The following ADGRV1 variants were observed in gnomAD, a reference collection of about 807,000 sequenced individuals.
ADGRV1 encodes the protein G-protein coupled receptor 98.
A neutral mutation model predicts 596.2 loss-of-function variants in ADGRV1; 359 were observed. The observed-to-expected ratio is 0.60, with a 90% confidence interval of 0.55 to 0.66. ADGRV1 has a LOEUF of 0.66. ADGRV1 is among the 30% of genes least tolerant of loss of function. The pLI, the probability that ADGRV1 is intolerant of heterozygous loss-of-function variation, is 0.00. For synonymous variants in ADGRV1, 2,681 were observed against 2,679.2 expected, an observed-to-expected ratio of 1.00 and a Z score of -0.02; for missense variants, 7,274 against 7,575.6, an observed-to-expected ratio of 0.96 and a Z score of 1.48.
intron 83 of ADGRV1, among the ~76,000 whole-genome samples, chr5:90,919,032 A>G (rs1471692128): frequency 6.6e-6 from 1 of 152,226 alleles, no homozygotes; most frequent in Non-Finnish European, 1.5e-5. Flanking sequence ...TTTGCCTGCT[A>G]AAGATCATCC....
chr5:90,706,756 T>C (rs1464572660), intron 38 of ADGRV1, among the ~76,000 whole-genome samples: 3 of 151,916 alleles, frequency 2.0e-5, no homozygotes, highest in Non-Finnish European at 4.4e-5. Context: ...TTACTCTGAC[T>C]TTAATATCAG....
intron 85 of ADGRV1, among the ~76,000 whole-genome samples, chr5:91,060,490 G>T (rs369501996): frequency 1.3e-5 from 2 of 151,406 alleles, no homozygotes; most frequent in African/African-American, 4.9e-5. Flanking sequence ...TCAGCCTCCC[G>T]AAGTGCTGAG....
intron 11 of ADGRV1, 58 bp downstream of exon 11, chr5:90,638,006 C>T: frequency 1.6e-6 from 2 of 1,228,758 alleles, no homozygotes; most frequent in African/African-American, 1.6e-5. Context: ...TCTTCAATAA[C>T]TTTGATTTTT....
At chr5:90,593,341 T>C (rs527321377) in intron 1 of ADGRV1, among the ~76,000 whole-genome samples, 172 of 152,102 alleles carry the variant, frequency 1.1e-3, no homozygotes, top group African/African-American at 3.7e-3. Flanking sequence ...CTGAACAAAC[T>C]ATCACAAGGA....
chr5:90,648,890 CGTT>C (rs1431922428), intron 17 of ADGRV1, among the ~76,000 whole-genome samples: 2 of 152,052 alleles, frequency 1.3e-5, no homozygotes, highest in African/African-American at 4.8e-5. Context: ...TGAATCCATT[CGTT>C]GTTCTAAAAT....
intron 24 of ADGRV1, 92 bp downstream of exon 24, chr5:90,675,537 A>C: frequency 8.2e-7 from 1 of 1,226,658 alleles, no homozygotes; most frequent in South Asian, 1.4e-5. Context: ...CCTGGAACAT[A>C]GTGACTCACG....
chr5:91,031,002 T>C (rs1426057410), intron 85 of ADGRV1: 4 of 1,461,834 alleles, frequency 2.7e-6, no homozygotes, highest in African/African-American at 1.4e-5. Flanking sequence ...CAATCAGTTG[T>C]AGTCTGCTGA....
At chr5:91,144,635 T>C (rs1195435568) in intron 87 of ADGRV1, among the ~76,000 whole-genome samples, 1 of 152,224 alleles carries the variant, frequency 6.6e-6, no homozygotes, top group African/African-American at 2.4e-5. Context: ...GCATTTTTTA[T>C]GATTATAGTA....
At position 90,643,028 on chromosome 5, in the gene ADGRV1, A is replaced by G; in HGVS notation, c.2540A>G (p.Asp847Gly). The G allele has an allele frequency of 6.2e-7, 1 of 1,612,746 alleles. No homozygotes were observed. The highest frequency in any genetic ancestry group is 8.5e-7 in the Non-Finnish European group (1 of 1,178,864). ...GTGATCACCTTGCTAGCAAGATTGG[A>G]TGGGATACCAGAGGTATGGGATTTT... ...EIVITLLARL[D>G]GIPELDEHYW... The change falls in exon 13 of 90, where the codon GAT becomes GGT. Residue 847 changes from aspartate to glycine, a missense_variant. This residue lies in a region of ADGRV1 where 1,715 missense variants were observed against 1,708.8 expected (regional missense o/e 1.00). Transcript: ENST00000405460.
chr5:90,955,840 CAT>C (rs1463679448), intron 83 of ADGRV1, among the ~76,000 whole-genome samples: 1 of 152,158 alleles, frequency 6.6e-6, no homozygotes, highest in African/African-American at 2.4e-5. Context: ...GACAAGCAAT[CAT>C]ATCCTCGATG....
intron 83 of ADGRV1, among the ~76,000 whole-genome samples, chr5:90,919,846 T>C (rs1773713749): frequency 6.6e-6 from 1 of 151,734 alleles, no homozygotes; most frequent in Admixed American, 6.6e-5. Flanking sequence ...AATGCAAAAT[T>C]AGCTGGGCAT....
chr5:90,939,269 A>G (rs1400279937), intron 83 of ADGRV1, among the ~76,000 whole-genome samples: 1 of 152,200 alleles, frequency 6.6e-6, no homozygotes, highest in African/African-American at 2.4e-5. Context: ...TTCTCTCATT[A>G]ATTAGGTAGC....
At chr5:91,112,322 A>C (rs2973448) in intron 87 of ADGRV1, among the ~76,000 whole-genome samples, 19,092 of 152,100 alleles carry the variant, frequency 0.13, 1,340 homozygotes, top group African/African-American at 0.2. Context: ...GCTATCTTTT[A>C]ATCTTTTAGG....
At position 90,683,665 on chromosome 5, in the gene ADGRV1, T is replaced by C. The variant is rs1229749558; in HGVS notation, c.5744T>C (p.Phe1915Ser). 1 of 1,613,682 alleles carries C rather than the reference T, an allele frequency of 6.2e-7. No individual in the cohort carries two copies. Among genetic ancestry groups the C allele is most frequent in the Admixed American group, 1.7e-5 (1 of 59,994 alleles). The stretch of plus-strand genomic sequence containing the variant: ...TCTGATCCTGATGGTGATCTCGCCT[T>C]CACCTCTGGCAACATCACATTTGAG... ...IDSDPDGDLA[F>S]TSGNITFEIG... Residue 1915 changes from phenylalanine to serine, a missense_variant, in exon 28 of 90, where the codon TTC (phenylalanine) becomes TCC (serine). By Grantham distance (155) the Phe-to-Ser change is radical (BLOSUM62 -2). This residue lies in a region of ADGRV1 where 3,643 missense variants were observed against 3,809.2 expected (regional missense o/e 0.96). Transcript: ENST00000405460.
chr5:90,750,559 A>T lies in ADGRV1; in HGVS notation c.10983A>T (p.Leu3661Phe). ...TCTGTGTATTTTTTCAGAATTCATT[A>T]TATAAGCAAGTGGAAGAAATGGAGC... ...YGIVAFAQNSLYKQVEEMEQD... is the reference protein window; with the variant it reads ...YGIVAFAQNSFYKQVEEMEQD... Residue 3661 changes from leucine (L) to phenylalanine (F), a missense_variant, in exon 53 of 90, where the codon TTA becomes TTT. Leu to Phe is a conservative substitution (Grantham distance 22). Coordinates refer to ENST00000405460, the MANE Select transcript of ADGRV1 (RefSeq NM_032119.4). 6.2e-7 allele frequency: 1 copy of T among 1,607,352 alleles called. No individual in the cohort carries two copies. Among genetic ancestry groups the T allele is most frequent in the South Asian group, 1.1e-5 (1 of 89,616 alleles).
chr5:90,685,464 A>G (rs531229703), intron 28 of ADGRV1, among the ~76,000 whole-genome samples: 1 of 152,166 alleles, frequency 6.6e-6, no homozygotes, highest in African/African-American at 2.4e-5. Context: ...ACGTGCCTGT[A>G]GTCCCAGCTA....
chr5:91,002,985 C>G (rs960642781), intron 85 of ADGRV1, among the ~76,000 whole-genome samples: 4 of 152,086 alleles, frequency 2.6e-5, no homozygotes, highest in African/African-American at 9.7e-5. Flanking sequence ...AATGTCAGCC[C>G]CCCAGTAGAC....
intron 75 of ADGRV1, among the ~76,000 whole-genome samples, chr5:90,821,858 G>A (rs1167042563): frequency 1.6e-4 from 24 of 152,136 alleles, no homozygotes; most frequent in Admixed American, 2.0e-4. Flanking sequence ...AGAGGTTACT[G>A]CTGTCTTTTT....
intron 54 of ADGRV1, among the ~76,000 whole-genome samples, 172 bp downstream of exon 54, chr5:90,754,001 AC>A (rs1161964857): frequency 6.6e-6 from 1 of 152,156 alleles, no homozygotes; most frequent in Non-Finnish European, 1.5e-5. Context: ...ATGTGAAATT[AC>A]CTAGCAGTAA....
Sources: gnomAD v4.1 joint callset for allele counts (sites outside exome capture counted in the v4.1 genomes callset) on GRCh38, gnomAD v4.1.1 for gene constraint, gnomAD v4.1.1 regional missense constraint, MANE v1.5 for transcripts, NCBI Gene and HGNC (gene_info 2026-07-23, HGNC 2026-07-21) for gene names.